Variants in RBM41 observed in about 807,000 individuals in gnomAD.
RBM41 encodes RNA-binding protein 41.
RBM41 carries 14 observed loss-of-function variants against 30.8 expected under a neutral mutation model. The observed-to-expected ratio is 0.45, with a 90% CI of 0.30 to 0.71. The LOEUF (loss-of-function observed/expected upper bound fraction) is 0.71. Ranked by LOEUF, RBM41 falls within the 30% of genes least tolerant of loss-of-function variation. The pLI is 0.08. For missense variants in RBM41, 276 were observed against 326.3 expected (o/e 0.85, Z 1.19); for synonymous variants, 120 against 110.1 (o/e 1.09, Z -0.56).
chrX:107,066,453 A>G lies in RBM41; in HGVS notation c.*1074T>C, dbSNP rs1436439420. ...GTAGGAATGCTTAATGGTGTCACAC[A>G]GGTTCTATACTCTTGTTCAATTTTA... On this transcript the variant is annotated 3_prime_UTR_variant, in exon 8 of 8. Coordinates refer to ENST00000685964, the MANE Select transcript of RBM41 (RefSeq NM_001324242.2). The G allele has an allele frequency of 1.8e-5, 2 of 112,309 alleles. No homozygotes were observed. The highest frequency in any genetic ancestry group is 3.7e-5 in the Non-Finnish European group (2 of 53,606). The allele number at this position is 112,309 out of a possible 1,213,427, so 9.3% of individuals were successfully genotyped here.
At chrX:107,115,616 C>A in intron 3 of RBM41, 60 bp from the exon 4 acceptor site, 2 of 1,036,486 alleles carry the variant, frequency 1.9e-6, no homozygotes, top group Admixed American at 2.5e-5. Context: ...ACATGATGAT[C>A]TGGTATCTCA....
the RBM41 span, among the ~76,000 whole-genome samples, chrX:107,055,481 C>T: frequency 2.7e-5 from 3 of 111,217 alleles, no homozygotes; most frequent in South Asian, 3.8e-4. Context: ...CCCGCCACCA[C>T]GCCCAGCTAA....
Position 107,073,359 on chromosome X carries a change from T to G in RBM41, c.1000-3957A>C, listed in dbSNP as rs567566245. On this transcript the variant is annotated intron_variant, in intron 6 of 7. Transcript: ENST00000685964. ...AACAGCTATTTCTCTAAAGAAGACA[T>G]ACAAATTGCCAACAAATATATGAAA... 1.2e-4 allele frequency among the ~76,000 whole-genome samples: 13 copies of G among 111,992 alleles called. No individual in the cohort carries two copies. In the South Asian group the frequency reaches 4.4e-3, roughly 38 times the overall value.
At chrX:107,072,004 TCAA>T (rs1936082258) in intron 6 of RBM41, among the ~76,000 whole-genome samples, 2 of 111,054 alleles carry the variant, frequency 1.8e-5, no homozygotes, top group Admixed American at 9.6e-5. Flanking sequence ...CGCTAAAGAC[TCAA>T]CAACAACAAA....
At chrX:107,108,052 A>G (rs1009892622) in intron 5 of RBM41, among the ~76,000 whole-genome samples, 2 of 111,865 alleles carry the variant, frequency 1.8e-5, no homozygotes, top group Non-Finnish European at 3.8e-5. Flanking sequence ...TAATAAACCA[A>G]TAAATCTTTT....
At chrX:107,056,546 T>C in the RBM41 span, among the ~76,000 whole-genome samples, 1 of 112,046 alleles carries the variant, frequency 8.9e-6, no homozygotes, top group Admixed American at 9.5e-5. Flanking sequence ...TTTTGATTAC[T>C]GATTCAATCT....
chrX:107,109,798 T>C (rs1000100556), intron 5 of RBM41, among the ~76,000 whole-genome samples: 16 of 111,558 alleles, frequency 1.4e-4, no homozygotes, highest in Non-Finnish European at 1.9e-5. Flanking sequence ...TGGCATGCTG[T>C]GTTTTAATTT....
intron 5 of RBM41, among the ~76,000 whole-genome samples, chrX:107,093,035 T>G (rs1393226787): frequency 8.9e-6 from 1 of 111,835 alleles, no homozygotes; most frequent in Non-Finnish European, 1.9e-5. Context: ...CCAAAGAAAG[T>G]GAACAAATTT....
At chrX:107,104,387 TC>T (rs1305742244) in intron 5 of RBM41, among the ~76,000 whole-genome samples, 4 of 111,285 alleles carry the variant, frequency 3.6e-5, no homozygotes, top group African/African-American at 1.3e-4. Context: ...AATGGTAGAT[TC>T]CAGATGGTAA....
chrX:107,078,883 C>CAAA (rs576858697), intron 6 of RBM41, among the ~76,000 whole-genome samples: 1 of 99,198 alleles, frequency 1.0e-5, no homozygotes, highest in African/African-American at 3.6e-5. Context: ...CCCCGAATGT[C>CAAA]AAAAAAAAAA....
At chrX:107,100,326 T>C (rs1923342942) in intron 5 of RBM41, among the ~76,000 whole-genome samples, 2 of 110,282 alleles carry the variant, frequency 1.8e-5, no homozygotes, top group South Asian at 7.7e-4. Context: ...TTCTAGTCTG[T>C]ACTAAAAATA....
chrX:107,112,767 G>A (rs1924594246), intron 5 of RBM41: 1 of 297,561 alleles, frequency 3.4e-6, no homozygotes. Context: ...CTGAGTGAAA[G>A]AAGCCAGTCT....
chrX:107,108,567 T>C (rs778938738), intron 5 of RBM41, among the ~76,000 whole-genome samples: 2 of 112,340 alleles, frequency 1.8e-5, no homozygotes, highest in Non-Finnish European at 1.9e-5. Context: ...CTCTTACATT[T>C]ATGGTAAATT....
rs745728125 is a variant in RBM41, at chrX:107,106,376, CTGGA to C, written c.595+7017_595+7020del. On this transcript the variant is annotated intron_variant, in intron 5 of 7. Coordinates refer to ENST00000685964, the MANE Select transcript of RBM41 (RefSeq NM_001324242.2). ...TTAAAAAGTCAGGAAACAACAGGTG[CTGGA>C]GAGGATGTGGAGAAATAGGAACACT... 4.5e-5 allele frequency among the ~76,000 whole-genome samples: 5 copies of C among 111,413 alleles called. No homozygotes were observed. In the East Asian group the frequency reaches 1.4e-3, roughly 32 times the overall value.
chrX:107,094,717 T>C (rs913172954), intron 5 of RBM41, among the ~76,000 whole-genome samples: 5 of 111,202 alleles, frequency 4.5e-5, no homozygotes, highest in African/African-American at 1.6e-4. Flanking sequence ...AGGGTCCTTA[T>C]CAGAAGGAAG....
downstream of RBM41, among the ~76,000 whole-genome samples, chrX:107,058,429 C>G (rs1370931349): frequency 9.0e-6 from 1 of 111,310 alleles, no homozygotes; most frequent in African/African-American, 3.3e-5. Flanking sequence ...TCACAACCAC[C>G]CTGTGAGGTA....
intron 6 of RBM41, among the ~76,000 whole-genome samples, chrX:107,074,342 T>G (rs1335820430): frequency 9.0e-6 from 1 of 111,518 alleles, no homozygotes; most frequent in East Asian, 2.8e-4. Context: ...TTTTTCTCCC[T>G]TGGGTACTTT....
At chrX:107,107,905 C>A (rs1233466997) in intron 5 of RBM41, among the ~76,000 whole-genome samples, 1 of 110,821 alleles carries the variant, frequency 9.0e-6, no homozygotes, top group Non-Finnish European at 1.9e-5. Context: ...TCAGAGAGTA[C>A]CATACTATAG....
intron 5 of RBM41, among the ~76,000 whole-genome samples, chrX:107,107,015 A>T (rs748289456): frequency 8.9e-6 from 1 of 111,905 alleles, no homozygotes; most frequent in East Asian, 2.8e-4. Context: ...AACTTAAAGT[A>T]TAATAAAAAA....
Sources: allele counts gnomAD v4.1 joint callset (sites outside exome capture counted in the v4.1 genomes callset), GRCh38; gene constraint gnomAD v4.1.1; transcripts MANE v1.5; gene names NCBI Gene and HGNC (gene_info 2026-07-23, HGNC 2026-07-21).